The following ST8SIA6 variants were observed in gnomAD, a reference collection of about 807,000 sequenced individuals.
ST8SIA6 encodes alpha-2,8-sialyltransferase 8F.
Under a neutral mutation model 33.6 loss-of-function variants are expected in ST8SIA6, and 39 were observed. That is an observed-to-expected ratio of 1.16 (90% CI 0.90 to 1.52). ST8SIA6 has a LOEUF of 1.52. ST8SIA6 is among the 40% of genes most tolerant of loss of function. ST8SIA6 has a pLI of 0.00. For synonymous variants in ST8SIA6, 172 were observed against 167.2 expected (o/e 1.03, Z -0.22); for missense variants, 441 against 443.8 (o/e 0.99, Z 0.06).
intron 2 of ST8SIA6, among the ~76,000 whole-genome samples, chr10:17,447,671 GT>G (rs1332607668): frequency 6.6e-6 from 1 of 152,072 alleles, no homozygotes; most frequent in African/African-American, 2.4e-5. Flanking sequence ...GTACTAGGTT[GT>G]TAAGCAATAA....
intron 3 of ST8SIA6, among the ~76,000 whole-genome samples, chr10:17,375,338 G>T (rs1040649484): frequency 6.6e-6 from 1 of 152,182 alleles, no homozygotes; most frequent in Non-Finnish European, 1.5e-5. Context: ...GCTTTCAAGT[G>T]ATATGCTCAC....
chr10:17,385,326 G>A (rs1850294354), intron 3 of ST8SIA6, among the ~76,000 whole-genome samples: 1 of 152,130 alleles, frequency 6.6e-6, no homozygotes, highest in African/African-American at 2.4e-5. Context: ...GCTTCAAGTT[G>A]TCACCCCCTT....
At chr10:17,395,028 A>G (rs528406194) in intron 2 of ST8SIA6, among the ~76,000 whole-genome samples, 17 of 152,252 alleles carry the variant, frequency 1.1e-4, no homozygotes, top group African/African-American at 4.1e-4. Context: ...AGCTTTCACA[A>G]TTCCCACGTG....
At chr10:17,391,046 C>T (rs1225084006) in intron 2 of ST8SIA6, among the ~76,000 whole-genome samples, 9 of 151,488 alleles carry the variant, frequency 5.9e-5, no homozygotes, top group South Asian at 2.1e-4. Context: ...TTAGTAGAGA[C>T]GGGGTTTCTC....
chr10:17,378,656 C>A (rs1402867657), intron 3 of ST8SIA6, among the ~76,000 whole-genome samples: 1 of 152,128 alleles, frequency 6.6e-6, no homozygotes, highest in Non-Finnish European at 1.5e-5. Flanking sequence ...AACATCAAAA[C>A]CGGCAAGTAG....
At chr10:17,373,935 G>A (rs769455169) in intron 3 of ST8SIA6, among the ~76,000 whole-genome samples, 13 of 151,978 alleles carry the variant, frequency 8.6e-5, no homozygotes, top group Non-Finnish European at 1.9e-4. Context: ...TGTTTCCAGT[G>A]ACAAATACTT....
intron 4 of ST8SIA6, among the ~76,000 whole-genome samples, chr10:17,357,274 TGCCACCAC>T (rs1849228907): frequency 6.6e-6 from 1 of 151,028 alleles, no homozygotes; most frequent in Non-Finnish European, 1.5e-5. Context: ...TACAAGTGCA[TGCCACCAC>T]GCCTGGCTAA....
intron 2 of ST8SIA6, among the ~76,000 whole-genome samples, chr10:17,422,869 T>C (rs184762064): frequency 6.6e-6 from 1 of 152,216 alleles, no homozygotes; most frequent in Admixed American, 6.5e-5. Context: ...ATTTTCAGCA[T>C]GCTAAGAGAT....
chr10:17,366,108 TAGG>T (rs553103272), intron 3 of ST8SIA6, among the ~76,000 whole-genome samples: 24 of 152,292 alleles, frequency 1.6e-4, no homozygotes, highest in African/African-American at 5.1e-4. Context: ...AAAGCCAAAC[TAGG>T]AGAAGTGTGT....
intron 2 of ST8SIA6, among the ~76,000 whole-genome samples, chr10:17,427,492 G>A (rs778156958): frequency 5.3e-5 from 8 of 152,204 alleles, no homozygotes; most frequent in Admixed American, 6.5e-5. Context: ...TTCCAGAAGA[G>A]GCCTCTTCAA....
At position 17,319,162 on chromosome 10, in the gene ST8SIA6, T is replaced by C. The variant is rs966220867; in HGVS notation, c.*1716A>G. ...ATGAATGTGTCTAAATATGACAGAT[T>C]ATGGATATCGATAATACACCACATC... is the stretch of plus-strand genomic sequence containing the variant. On this transcript the variant is annotated 3_prime_UTR_variant, in exon 8 of 8. Coordinates refer to ENST00000377602, the MANE Select transcript of ST8SIA6 (RefSeq NM_001004470.3). Among the ~76,000 whole-genome samples, 6 of 152,220 alleles carry C rather than the reference T, an allele frequency of 3.9e-5. No individual in the cohort carries two copies. The highest frequency in any genetic ancestry group is 8.8e-5 in the Non-Finnish European group (6 of 68,034).
chr10:17,352,801 T>C (rs1202188257), intron 4 of ST8SIA6, among the ~76,000 whole-genome samples: 2 of 152,152 alleles, frequency 1.3e-5, no homozygotes, highest in East Asian at 3.8e-4. Context: ...CTGTTGCTTT[T>C]TCTAAATGCA....
intron 4 of ST8SIA6, among the ~76,000 whole-genome samples, chr10:17,341,699 G>T (rs187532412): frequency 6.6e-6 from 1 of 151,980 alleles, no homozygotes; most frequent in East Asian, 1.9e-4. Flanking sequence ...AGGAGTTCGA[G>T]ACCAGCCTGG....
At chr10:17,402,910 A>T (rs991696583) in intron 2 of ST8SIA6, among the ~76,000 whole-genome samples, 1 of 152,206 alleles carries the variant, frequency 6.6e-6, no homozygotes, top group Non-Finnish European at 1.5e-5. Context: ...TGTACCCTAG[A>T]ACTTAAAAGT....
chr10:17,402,668 G>A lies in ST8SIA6; in HGVS notation c.201-12048C>T, dbSNP rs535719379. Among the ~76,000 whole-genome samples, 91 of 152,040 alleles carry A rather than the reference G, an allele frequency of 6.0e-4. 1 individual carries two copies. Among genetic ancestry groups the A allele is most frequent in the African/African-American group, 1.7e-3 (69 of 41,454 alleles). ...AAACCATCATTCTCAGCAAACTATC[G>A]CAAGAACAAAAAACCAAACACCGCA... On this transcript the variant is annotated intron_variant, in intron 2 of 7. Transcript: ENST00000377602.
chr10:17,397,087 G>A (rs1850831655), intron 2 of ST8SIA6, among the ~76,000 whole-genome samples: 1 of 152,118 alleles, frequency 6.6e-6, no homozygotes, highest in African/African-American at 2.4e-5. Context: ...CTGGTATTCA[G>A]TTTACTGGTG....
At chr10:17,371,354 T>C (rs769367871) in intron 3 of ST8SIA6, among the ~76,000 whole-genome samples, 3 of 152,118 alleles carry the variant, frequency 2.0e-5, no homozygotes, top group Admixed American at 1.3e-4. Flanking sequence ...ATTTGAGAAT[T>C]GTCAGTATGG....
intron 4 of ST8SIA6, among the ~76,000 whole-genome samples, chr10:17,333,455 C>A (rs919034806): frequency 2.6e-5 from 4 of 151,440 alleles, no homozygotes; most frequent in South Asian, 4.2e-4. Context: ...GCAAAGAGAA[C>A]AAAGCTGGAG....
At chr10:17,337,654 T>G (rs1848549279) in intron 4 of ST8SIA6, among the ~76,000 whole-genome samples, 2 of 152,190 alleles carry the variant, frequency 1.3e-5, no homozygotes, top group Admixed American at 1.3e-4. Context: ...CTGACCTGCT[T>G]ACAACAAATA....
Sources: gnomAD v4.1 joint callset for allele counts (sites outside exome capture counted in the v4.1 genomes callset) on GRCh38, gnomAD v4.1.1 for gene constraint, MANE v1.5 for transcripts, NCBI Gene and HGNC (gene_info 2026-07-23, HGNC 2026-07-21) for gene names.